The following COL23A1 variants were observed in gnomAD, a reference collection of about 807,000 sequenced individuals.
The protein encoded by COL23A1 is collagen alpha-1(XXIII) chain.
Under a neutral mutation model 99.3 loss-of-function variants are expected in COL23A1, and 97 were observed. The ratio of observed to expected loss-of-function variants is 0.98; its 90% CI spans 0.83 to 1.16. The LOEUF (loss-of-function observed/expected upper bound fraction) is 1.16, where lower values mean the gene tolerates loss of function less well. Ranked by LOEUF, COL23A1 falls within the 50% of genes most tolerant of loss-of-function variation. The pLI is 0.00. For missense variants in COL23A1, 762 were observed against 757.4 expected, an observed-to-expected ratio of 1.01 and a Z score of -0.07; for synonymous variants, 320 against 308.2, an observed-to-expected ratio of 1.04 and a Z score of -0.40.
intron 11 of COL23A1, among the ~76,000 whole-genome samples, chr5:178,260,846 T>C (rs1197849797): frequency 1.3e-5 from 2 of 152,108 alleles, no homozygotes; most frequent in African/African-American, 4.8e-5. Context: ...GAACGAGGGA[T>C]GAACAGGCGG....
At chr5:178,392,596 G>A (rs188643061) in intron 2 of COL23A1, among the ~76,000 whole-genome samples, 1 of 152,284 alleles carries the variant, frequency 6.6e-6, no homozygotes, top group African/African-American at 2.4e-5. Flanking sequence ...GAGACACGAG[G>A]CCACAGGAAG....
intron 2 of COL23A1, among the ~76,000 whole-genome samples, chr5:178,418,494 C>T (rs1276902507): frequency 1.3e-5 from 2 of 152,238 alleles, no homozygotes; most frequent in Admixed American, 6.5e-5. Context: ...CATGGGGTCT[C>T]ACTCTAGCAT....
In COL23A1 at chr5:178,282,000, C is replaced by T. The variant is rs1235564983; in HGVS notation, c.441+6324G>A. On this transcript the variant is annotated intron_variant, in intron 5 of 28. Transcript: ENST00000390654. The surrounding 1 kb of genome is among the most constrained non-coding windows in gnomAD (Gnocchi z 4.0). ...CCAGGAGGCGAAGGTTACAGTGAGC[C>T]GAGATCATGCCACTGCACTCCAGCC... 2.0e-5 allele frequency among the ~76,000 whole-genome samples: 3 copies of T among 149,484 alleles called. No individual in the cohort carries two copies. Among genetic ancestry groups the T allele is most frequent in the Non-Finnish European group, 3.0e-5 (2 of 67,626 alleles).
At chr5:178,520,316 C>T (rs1031284253) in intron 2 of COL23A1, among the ~76,000 whole-genome samples, 1 of 152,092 alleles carries the variant, frequency 6.6e-6, no homozygotes, top group African/African-American at 2.4e-5. Context: ...TCATTGGTTC[C>T]CCAACTGTAC....
chr5:178,466,303 A>G (rs1004552775), intron 2 of COL23A1, among the ~76,000 whole-genome samples: 3 of 152,178 alleles, frequency 2.0e-5, no homozygotes, highest in African/African-American at 7.2e-5. Context: ...CTTGCTAGCC[A>G]CTGGTAGTAG....
intron 3 of COL23A1, among the ~76,000 whole-genome samples, chr5:178,302,800 C>T (rs919993819): frequency 1.3e-5 from 2 of 152,202 alleles, no homozygotes; most frequent in Non-Finnish European, 2.9e-5. Context: ...ATCCTGGGGA[C>T]AGGGCTCTTT....
intron 2 of COL23A1, among the ~76,000 whole-genome samples, chr5:178,373,886 G>A (rs1762930553): frequency 6.6e-6 from 1 of 152,220 alleles, no homozygotes; most frequent in Admixed American, 6.5e-5. Flanking sequence ...GAGCAGGGCA[G>A]TCAGAGCTCG....
chr5:178,275,986 A>G (rs1343661536), intron 5 of COL23A1, among the ~76,000 whole-genome samples: 1 of 151,898 alleles, frequency 6.6e-6, no homozygotes, highest in Non-Finnish European at 1.5e-5. Flanking sequence ...TCTGCAGCAA[A>G]CCCTGCTGTC....
chr5:178,263,825 A>G (rs1028816265), intron 8 of COL23A1, among the ~76,000 whole-genome samples: 1 of 152,194 alleles, frequency 6.6e-6, no homozygotes, highest in African/African-American at 2.4e-5. Flanking sequence ...GGTAGGTGGA[A>G]GGTTAAGGAG....
chr5:178,514,375 T>C (rs994066303), intron 2 of COL23A1, among the ~76,000 whole-genome samples: 2 of 152,226 alleles, frequency 1.3e-5, no homozygotes, highest in African/African-American at 4.8e-5. Context: ...GCTGTGAACA[T>C]GGGAACCTCT....
chr5:178,345,311 A>G, intron 2 of COL23A1: 2 of 562,388 alleles, frequency 3.6e-6, no homozygotes, highest in South Asian at 1.6e-5. Context: ...AATCACTTGG[A>G]GCAATTCGGA....
At chr5:178,479,737 G>A (rs2127950045) in intron 2 of COL23A1, among the ~76,000 whole-genome samples, 1 of 152,342 alleles carries the variant, frequency 6.6e-6, no homozygotes, top group South Asian at 2.1e-4. Flanking sequence ...TAATCCTTGA[G>A]AGATGAACAA....
chr5:178,415,900 G>A lies in COL23A1; in HGVS notation c.362-108981C>T, dbSNP rs142312201. On this transcript the variant is annotated intron_variant, in intron 2 of 28. Transcript: ENST00000390654. This position sits in a 1 kb window ranked among gnomAD's most constrained non-coding sequence, Gnocchi z 4.6. ...AGGCCAGGGAGGGCTTCCGAGGGAG[G>A]TGATTCCAGGGCTGGATGGGACCAG... Among the ~76,000 whole-genome samples the A allele has an allele frequency of 6.6e-6, 1 of 152,158 alleles. No individual in the cohort carries two copies.
Position 178,384,750 on chromosome 5 carries a change from A to AC in COL23A1, c.362-77832dup, listed in dbSNP as rs1480173746. Among the ~76,000 whole-genome samples, 1 of 152,198 alleles carries AC rather than the reference A, an allele frequency of 6.6e-6. No individual in the cohort carries two copies. The highest frequency in any genetic ancestry group is 1.5e-5 in the Non-Finnish European group (1 of 68,026). On this transcript the variant is annotated intron_variant, in intron 2 of 28. Transcript: ENST00000390654. The surrounding 1 kb of genome is among the most constrained non-coding windows in gnomAD (Gnocchi z 5.5). ...CTCACAGGGTGCACATATAACAGCC[A>AC]CCACGACCCTTGTACCACCCGGGGA...
intron 2 of COL23A1, among the ~76,000 whole-genome samples, chr5:178,338,654 C>CCCAGCACCGGGTA (rs1760488266): frequency 1.1e-4 from 16 of 151,682 alleles, no homozygotes; most frequent in African/African-American, 3.6e-4. Flanking sequence ...TCCTGGGTCA[C>CCCAGCACCGGGTA]TGGCCAGCAT....
chr5:178,268,635 T>C (rs1756043102), intron 7 of COL23A1, 95 bp downstream of exon 7: 2 of 1,303,418 alleles, frequency 1.5e-6, no homozygotes, highest in Non-Finnish European at 2.1e-6. Context: ...GGGGCTGTGA[T>C]GTGCTCAAGG....
chr5:178,463,949 C>T (rs1377348083), intron 2 of COL23A1, among the ~76,000 whole-genome samples: 1 of 152,180 alleles, frequency 6.6e-6, no homozygotes, highest in Non-Finnish European at 1.5e-5. Flanking sequence ...TTGTTGTGGG[C>T]CTCCCGGCCG....
At chr5:178,584,320 A>G (rs565320397) in intron 1 of COL23A1, among the ~76,000 whole-genome samples, 1 of 151,006 alleles carries the variant, frequency 6.6e-6, no homozygotes, top group South Asian at 2.1e-4. Flanking sequence ...ACACACACAC[A>G]CACACACACA....
Position 178,250,070 on chromosome 5 carries a change from A to G in COL23A1, c.1050T>C (p.Asp350=), listed in dbSNP as rs768112082. ...TGAAAGGCCCAGAGACCTTCTCTCC[A>G]TCGATTCCTGGGGCACCGGGCAATC... ...ELGLPGAPGI[D]GEKGPKGQKG... Residue 350 remains aspartate, a synonymous_variant, in exon 18 of 29, where the codon GAT becomes GAC. Transcript: ENST00000390654. 4.0e-5 allele frequency: 65 copies of G among 1,614,034 alleles called. No homozygotes were observed. The Admixed American group carries it at 1.1e-3, about 26-fold the overall frequency.
Sources: gnomAD v4.1 joint callset for allele counts (sites outside exome capture counted in the v4.1 genomes callset) on GRCh38, gnomAD v4.1.1 for gene constraint, Gnocchi (gnomAD v3.1) non-coding constraint, MANE v1.5 for transcripts, NCBI Gene and HGNC (gene_info 2026-07-23, HGNC 2026-07-21) for gene names.